Variants in ZNF106 observed in about 807,000 individuals in gnomAD.
The protein encoded by ZNF106 is zinc finger protein 106.
ZNF106 carries 67 observed loss-of-function variants against 195.1 expected under a neutral mutation model. The ratio of observed to expected loss-of-function variants is 0.34; its 90% CI spans 0.28 to 0.42. The LOEUF is 0.42. ZNF106 is among the 10% of genes least tolerant of loss of function. ZNF106 has a pLI of 1.00. For synonymous variants in ZNF106, 784 were observed against 818.6 expected (o/e 0.96, Z 0.72); for missense variants, 2,118 against 2,304.5 (o/e 0.92, Z 1.66).
rs371393291 is a variant in ZNF106 at position 42,457,130 on chromosome 15, C to T, written c.145G>A (p.Gly49Arg). Residue 49 changes from glycine to arginine, a missense_variant, in exon 4 of 22, where the codon GGG (glycine) becomes AGG (arginine). Transcript: ENST00000564754. ...GCAGAAAGACCCACTTCTGTGACCC[C>T]GCACACTCGGCACTCATGACTAATG... ...RDISHECRVC[G>R]VTEVGLSAYA... 4 of 1,613,976 alleles carry T rather than the reference C, an allele frequency of 2.5e-6. No individual in the cohort carries two copies. The highest frequency in any genetic ancestry group is 2.2e-5 in the East Asian group (1 of 44,884).
intron 1 of ZNF106, among the ~76,000 whole-genome samples, chr15:42,474,901 C>T (rs957146209): frequency 6.6e-6 from 1 of 152,208 alleles, no homozygotes; most frequent in Non-Finnish European, 1.5e-5. Context: ...CCCCAAGCAG[C>T]ATTGTTCCTT....
At chr15:42,486,654 G>C (rs1031735585) in intron 1 of ZNF106, among the ~76,000 whole-genome samples, 2 of 151,868 alleles carry the variant, frequency 1.3e-5, no homozygotes, top group East Asian at 3.9e-4. Flanking sequence ...TGATGTTCTT[G>C]TGACCAGAAA....
At chr15:42,463,019 G>A (rs890959050) in intron 3 of ZNF106, among the ~76,000 whole-genome samples, 1 of 150,582 alleles carries the variant, frequency 6.6e-6, no homozygotes, top group Non-Finnish European at 1.5e-5. Flanking sequence ...GGTTGGTCTT[G>A]AATTCCTGGG....
intron 1 of ZNF106, among the ~76,000 whole-genome samples, chr15:42,484,633 G>C (rs945189748): frequency 3.9e-5 from 6 of 152,148 alleles, no homozygotes; most frequent in Non-Finnish European, 7.3e-5. Flanking sequence ...ACATACTCAG[G>C]AAGCTTACGC....
At chr15:42,454,820 G>A (rs79791093) in intron 4 of ZNF106, among the ~76,000 whole-genome samples, 2,105 of 151,966 alleles carry the variant, frequency 0.014, 12 homozygotes, top group Non-Finnish European at 0.021. Context: ...GACTGTTGGA[G>A]CCTAGGAAGT....
Position 42,421,096 on chromosome 15 carries a change from C to T in ZNF106, c.5482G>A (p.Val1828Met), listed in dbSNP as rs200477666. The change falls in exon 20 of 22, where the codon GTG becomes ATG. Residue 1828 changes from valine (V) to methionine (M), a missense_variant. Val to Met is a conservative substitution (Grantham distance 21). Coordinates refer to ENST00000564754, the MANE Select transcript of ZNF106 (RefSeq NM_001366845.3). Reference protein sequence around the residue: ...TGCYDGSIQAVRLNLMQNYRC... With the variant: ...TGCYDGSIQAMRLNLMQNYRC... ...TAATTCTGCATCAGATTAAGCCTCA[C>T]GGCCTGAATACTGCCATCATAACAG... The T allele has an allele frequency of 1.9e-5, 31 of 1,613,976 alleles. No individual in the cohort carries two copies. The highest frequency in any genetic ancestry group is 3.3e-4 in the Middle Eastern group (2 of 6,084).
rs1449589748 is a variant in ZNF106, at chr15:42,451,869, G to C, written c.403C>G (p.Gln135Glu). The change falls in exon 5 of 22, where the codon CAA becomes GAA. Residue 135 changes from glutamine to glutamate, a missense_variant. Physicochemically the swap from Gln to Glu is conservative, Grantham distance 29. Transcript: ENST00000564754. ...GGCTGACTGTAACTCTCTCTGTCTTGGTAAGGAATTCGGTCTTCTCGTCTC... is the reference window on the plus strand; with the variant it reads ...GGCTGACTGTAACTCTCTCTGTCTTCGTAAGGAATTCGGTCTTCTCGTCTC... ...QWRREDRIPY[Q>E]DRESYSQPAW... 6.2e-7 allele frequency: 1 copy of C among 1,614,118 alleles called. No individual in the cohort carries two copies. The highest frequency in any genetic ancestry group is 8.5e-7 in the Non-Finnish European group (1 of 1,180,024).
Position 42,444,850 on chromosome 15 carries a change from T to C in ZNF106, c.3337A>G (p.Arg1113Gly). 2.5e-6 allele frequency: 4 copies of C among 1,614,140 alleles called. No individual in the cohort carries two copies. Among genetic ancestry groups the C allele is most frequent in the Non-Finnish European group, 3.4e-6 (4 of 1,180,006 alleles). ...ACCTGCTGCTTGAGCATAAGTAGCCTCTGAACTTCCACATAAGCTGTCTGA... is the reference window on the plus strand; with the variant it reads ...ACCTGCTGCTTGAGCATAAGTAGCCCCTGAACTTCCACATAAGCTGTCTGA... ...ALQTAYVEVQ[R>G]LLMLKQQITM... Residue 1113 changes from arginine to glycine, a missense_variant, in exon 8 of 22, where the codon AGG becomes GGG. Physicochemically the swap from Arg to Gly is moderately radical, Grantham distance 125. Transcript: ENST00000564754.
chr15:42,483,047 T>C (rs926600234), intron 1 of ZNF106, among the ~76,000 whole-genome samples: 2 of 152,256 alleles, frequency 1.3e-5, no homozygotes, highest in African/African-American at 4.8e-5. Flanking sequence ...AAGTTTACTA[T>C]TGGAATTTTA....
intron 3 of ZNF106, among the ~76,000 whole-genome samples, chr15:42,462,960 GT>G (rs971095332): frequency 1.0e-3 from 127 of 124,000 alleles, no homozygotes; most frequent in African/African-American, 5.4e-3. Flanking sequence ...TTTTTGTTTT[GT>G]TTTTTGTTTT....
chr15:42,462,428 T>A (rs1348643281), intron 3 of ZNF106, among the ~76,000 whole-genome samples: 1 of 151,968 alleles, frequency 6.6e-6, no homozygotes. Context: ...CGAAACCCAG[T>A]TTCTACTAAA....
chr15:42,434,225 G>A (rs1314802903), intron 14 of ZNF106, among the ~76,000 whole-genome samples: 2 of 152,260 alleles, frequency 1.3e-5, no homozygotes, highest in East Asian at 1.9e-4. Context: ...GGTGGCTCAC[G>A]CCTGTAATCT....
intron 14 of ZNF106, among the ~76,000 whole-genome samples, chr15:42,428,416 T>TCTTA (rs2054933187): frequency 6.6e-6 from 1 of 152,192 alleles, no homozygotes; most frequent in Non-Finnish European, 1.5e-5. Context: ...ATGAGTTAGG[T>TCTTA]CTTAGCCTCT....
intron 12 of ZNF106, 61 bp downstream of exon 12, chr15:42,438,551 T>G: frequency 6.9e-7 from 1 of 1,459,154 alleles, no homozygotes; most frequent in South Asian, 1.2e-5. Context: ...AAATCCTGGC[T>G]TTAATATTTA....
chr15:42,486,269 T>C (rs1258598933), intron 1 of ZNF106, among the ~76,000 whole-genome samples: 1 of 151,746 alleles, frequency 6.6e-6, no homozygotes, highest in Non-Finnish European at 1.5e-5. Context: ...TTCTTTTTTT[T>C]TTCTTCCAGA....
chr15:42,430,612 T>C (rs913401079), intron 14 of ZNF106, among the ~76,000 whole-genome samples: 2 of 151,968 alleles, frequency 1.3e-5, no homozygotes, highest in African/African-American at 4.8e-5. Context: ...CTTGAACTCC[T>C]GGGCTCAAGC....
In ZNF106 at chr15:42,478,697, AGAC is replaced by A. The variant is rs771635342; in HGVS notation, c.-32-6379_-32-6377del. Among the ~76,000 whole-genome samples, 44 of 151,752 alleles carry A rather than the reference AGAC, an allele frequency of 2.9e-4. 1 individual carries two copies. The highest frequency in any genetic ancestry group is 5.2e-4 in the Non-Finnish European group (35 of 67,950). ...CAGCTAACTTTTGTGTTTTTAGTAG[AGAC>A]GGGGTTTCACCATGTTGGCCAGGCT... On this transcript the variant is annotated intron_variant, in intron 1 of 21. Transcript: ENST00000564754.
rs770906619 is a variant in ZNF106 at position 42,424,978 on chromosome 15, G to C, written c.5046C>G (p.Val1682=). The C allele has an allele frequency of 1.9e-6, 3 of 1,614,186 alleles. No individual in the cohort carries two copies. The stretch of plus-strand genomic sequence containing the variant: ...CTTCCTGAGCTGTAGCAAGACAGCT[G>C]ACTGCCCGAGGGCCATGGCATTCAA... ...EIFECHGPRA[V]SCLATAQEGA... The change falls in exon 16 of 22, where the codon GTC becomes GTG. Residue 1682 remains valine (V), a synonymous_variant. Transcript: ENST00000564754.
At position 42,421,978 on chromosome 15, in the gene ZNF106, C is replaced by T. The variant is rs972612392; in HGVS notation, c.5384G>A (p.Arg1795Gln). ...VRVYELQSHD[R>Q]LQVYGGHKDM... ...TTTGTGTCCTCCATAAACTTGTAAT[C>T]GATCATGAGACTTAGGCAGAAAAAA... is the stretch of plus-strand genomic sequence containing the variant. Residue 1795 changes from arginine to glutamine, a missense_variant, in exon 19 of 22, where the codon CGA becomes CAA. Transcript: ENST00000564754. 3.2e-6 allele frequency: 5 copies of T among 1,573,340 alleles called. No individual in the cohort carries two copies. Among genetic ancestry groups the T allele is most frequent in the Admixed American group, 3.4e-5 (2 of 58,898 alleles).
Sources: allele counts gnomAD v4.1 joint callset (sites outside exome capture counted in the v4.1 genomes callset), GRCh38; gene constraint gnomAD v4.1.1; transcripts MANE v1.5; gene names NCBI Gene and HGNC (gene_info 2026-07-23, HGNC 2026-07-21).